TMCC1: variants seen among roughly 807,000 people sequenced by gnomAD.
The protein encoded by TMCC1 is transmembrane and coiled-coil domain family 1.
A neutral mutation model predicts 52.4 loss-of-function variants in TMCC1; 15 were observed. The ratio of observed to expected loss-of-function variants is 0.29; its 90% confidence interval spans 0.19 to 0.44. The LOEUF (loss-of-function observed/expected upper bound fraction) is 0.44. Ranked by LOEUF, TMCC1 falls within the 20% of genes least tolerant of loss-of-function variation. The pLI, the probability that TMCC1 is intolerant of heterozygous loss-of-function variation, is 1.00. For missense variants in TMCC1, 503 were observed against 806.0 expected (o/e 0.62, Z 4.55); for synonymous variants, 279 against 301.9 (o/e 0.92, Z 0.79).
intron 5 of TMCC1, among the ~76,000 whole-genome samples, chr3:129,664,214 T>A (rs1048063331): frequency 2.6e-5 from 4 of 152,200 alleles, no homozygotes; most frequent in African/African-American, 9.7e-5. Flanking sequence ...AAATCTAGCC[T>A]ACATATCGTC....
intron 4 of TMCC1, among the ~76,000 whole-genome samples, chr3:129,677,200 G>T (rs1054358146): frequency 6.6e-6 from 1 of 152,168 alleles, no homozygotes; most frequent in African/African-American, 2.4e-5. Flanking sequence ...GGAAGGTCAA[G>T]GCTTCAGTGA....
intron 4 of TMCC1, among the ~76,000 whole-genome samples, chr3:129,729,227 A>G (rs2050354063): frequency 6.6e-6 from 1 of 152,022 alleles, no homozygotes; most frequent in Non-Finnish European, 1.5e-5. Flanking sequence ...CCTTGTCAGC[A>G]TTTGCAACTG....
At chr3:129,723,494 T>G (rs1046558993) in intron 4 of TMCC1, among the ~76,000 whole-genome samples, 5 of 151,952 alleles carry the variant, frequency 3.3e-5, no homozygotes, top group Non-Finnish European at 7.4e-5. Flanking sequence ...TTAACCCATG[T>G]TTTTCCCAAG....
intron 4 of TMCC1, among the ~76,000 whole-genome samples, chr3:129,754,520 G>T (rs2052817494): frequency 1.3e-5 from 2 of 152,138 alleles, no homozygotes; most frequent in African/African-American, 4.8e-5. Flanking sequence ...ACGGTCCACA[G>T]ATCAATGGAA....
chr3:129,866,324 A>T (rs1291245336), intron 2 of TMCC1, among the ~76,000 whole-genome samples: 1 of 143,322 alleles, frequency 7.0e-6, no homozygotes, highest in African/African-American at 2.6e-5. Flanking sequence ...TTATATATAC[A>T]TATATACATA....
intron 4 of TMCC1, among the ~76,000 whole-genome samples, chr3:129,822,989 C>G (rs1455917564): frequency 6.6e-6 from 1 of 152,104 alleles, no homozygotes; most frequent in South Asian, 2.1e-4. Flanking sequence ...TAAGATGTTA[C>G]TATGACAAAA....
intron 1 of TMCC1, among the ~76,000 whole-genome samples, chr3:129,884,536 G>C (rs995448960): frequency 2.6e-5 from 4 of 152,106 alleles, no homozygotes; most frequent in Non-Finnish European, 4.4e-5. Flanking sequence ...AAAGTACCCT[G>C]ATTATTAGAA....
intron 4 of TMCC1, among the ~76,000 whole-genome samples, chr3:129,753,472 C>T (rs1056800717): frequency 2.0e-5 from 3 of 152,098 alleles, no homozygotes; most frequent in African/African-American, 7.2e-5. Flanking sequence ...TCAAATTTAG[C>T]AATATATAAA....
At chr3:129,888,239 T>C (rs916559434) in intron 1 of TMCC1, among the ~76,000 whole-genome samples, 26 of 152,232 alleles carry the variant, frequency 1.7e-4, no homozygotes, top group Admixed American at 1.7e-3. Flanking sequence ...GAATGATACA[T>C]GTGGTAATGA....
intron 4 of TMCC1, among the ~76,000 whole-genome samples, chr3:129,706,041 C>A (rs2108984778): frequency 6.6e-6 from 1 of 151,908 alleles, no homozygotes; most frequent in African/African-American, 2.4e-5. Flanking sequence ...CAAGCGTGCG[C>A]CACCATGCCT....
intron 4 of TMCC1, among the ~76,000 whole-genome samples, chr3:129,760,826 G>A (rs1167673439): frequency 6.6e-6 from 1 of 150,634 alleles, no homozygotes; most frequent in African/African-American, 2.4e-5. Flanking sequence ...TGCCCAGGCT[G>A]GTCTTGAACT....
chr3:129,861,090 G>A (rs2060369837), intron 2 of TMCC1: 1 of 152,192 alleles, frequency 6.6e-6, no homozygotes. Context: ...TTGGTGCTCT[G>A]AGAAGTTGGA....
Position 129,767,374 on chromosome 3 carries a change from AT to A in TMCC1, c.576+60428del, listed in dbSNP as rs995418429. 1.0e-3 allele frequency among the ~76,000 whole-genome samples: 149 copies of A among 147,064 alleles called. No individual in the cohort carries two copies. In the East Asian group the frequency reaches 0.01, roughly 10 times the overall value. On this transcript the variant is annotated intron_variant, in intron 4 of 6. Transcript: ENST00000393238. ...AAGTGTGCAACCATTACCACAGTCA[AT>A]TTTTTTTTTTTAAATTGGAGACGGT...
At chr3:129,715,918 T>A (rs2049045472) in intron 4 of TMCC1, among the ~76,000 whole-genome samples, 1 of 152,112 alleles carries the variant, frequency 6.6e-6, no homozygotes, top group African/African-American at 2.4e-5. Flanking sequence ...GAGTTATTTT[T>A]AAATTATTTT....
At chr3:129,826,551 T>C (rs1216353928) in intron 4 of TMCC1, among the ~76,000 whole-genome samples, 2 of 152,046 alleles carry the variant, frequency 1.3e-5, no homozygotes, top group East Asian at 1.9e-4. Context: ...GTGGTACTTT[T>C]CCCCATTTAA....
chr3:129,716,274 T>C (rs961595674), intron 4 of TMCC1, among the ~76,000 whole-genome samples: 6 of 150,194 alleles, frequency 4.0e-5, no homozygotes, highest in African/African-American at 9.8e-5. Context: ...GCGAGTCTCC[T>C]GCCTCAGCCT....
At chr3:129,888,198 C>A (rs553142619) in intron 1 of TMCC1, among the ~76,000 whole-genome samples, 1 of 152,136 alleles carries the variant, frequency 6.6e-6, no homozygotes, top group Middle Eastern at 3.2e-3. Context: ...ACTGATGAAG[C>A]AGGAGGTTAC....
At chr3:129,808,001 C>T (rs2107787737) in intron 4 of TMCC1, among the ~76,000 whole-genome samples, 1 of 150,486 alleles carries the variant, frequency 6.6e-6, no homozygotes, top group East Asian at 2.0e-4. Context: ...AAAGTGAGAG[C>T]TTCCAGAAGT....
At chr3:129,749,999 A>G (rs1055895291) in intron 4 of TMCC1, among the ~76,000 whole-genome samples, 3 of 152,366 alleles carry the variant, frequency 2.0e-5, no homozygotes, top group African/African-American at 7.2e-5. Context: ...CATGTACTGC[A>G]TTATAATGAA....
Sources: gnomAD v4.1 joint callset for allele counts (sites outside exome capture counted in the v4.1 genomes callset) on GRCh38, gnomAD v4.1.1 for gene constraint, MANE v1.5 for transcripts, NCBI Gene and HGNC (gene_info 2026-07-23, HGNC 2026-07-21) for gene names.